The following GRM5 variants were observed in gnomAD, a reference collection of about 807,000 sequenced individuals.
GRM5 encodes the protein glutamate metabotropic receptor 5.
GRM5 carries 19 observed loss-of-function variants against 83.1 expected under a neutral mutation model. That is an observed-to-expected ratio of 0.23 (90% CI 0.16 to 0.34). The LOEUF (loss-of-function observed/expected upper bound fraction) is 0.34. Among genes scored for constraint, GRM5 ranks in the 10% least tolerant of loss-of-function variants. GRM5 has a pLI of 1.00. For synonymous variants in GRM5, 675 were observed against 633.6 expected, an observed-to-expected ratio of 1.07 and a Z score of -0.98; for missense variants, 1,160 against 1,588.3, an observed-to-expected ratio of 0.73 and a Z score of 4.58.
At chr11:89,036,286 C>T (rs561276516) in intron 2 of GRM5, among the ~76,000 whole-genome samples, 20 of 152,048 alleles carry the variant, frequency 1.3e-4, no homozygotes, top group African/African-American at 4.8e-4. Flanking sequence ...AGCACCCTAC[C>T]TTTTTCGTGC....
intron 2 of GRM5, among the ~76,000 whole-genome samples, chr11:88,862,821 A>G (rs1944588953): frequency 6.6e-6 from 1 of 152,150 alleles, no homozygotes. Context: ...CATCAGAGCA[A>G]ACAGACCATC....
chr11:88,567,481 G>A lies in GRM5; in HGVS notation c.2202C>T (p.Asn734=). 3 of 1,614,102 alleles carry A rather than the reference G, an allele frequency of 1.9e-6. No individual in the cohort carries two copies. The highest frequency in any genetic ancestry group is 2.5e-6 in the Non-Finnish European group (3 of 1,179,924). Residue 734 remains asparagine (N), a synonymous_variant, in exon 8 of 10, where the codon AAC becomes AAT. Transcript: ENST00000305447. This position sits in a 1 kb window ranked among gnomAD's most constrained non-coding sequence, Gnocchi z 7.3. ...GAGTGACAACTCCTAGGTTGGTGGT[G>A]TTACAGATCAGGTAGACTTCTCGAA... ...PSIREVYLIC[N]TTNLGVVTPL...
At chr11:88,991,993 A>T (rs993093730) in intron 2 of GRM5, among the ~76,000 whole-genome samples, 1 of 152,180 alleles carries the variant, frequency 6.6e-6, no homozygotes, top group African/African-American at 2.4e-5. Context: ...CAATGGCAAC[A>T]AAAGACAAAA....
chr11:88,674,711 G>A (rs1256072206), intron 3 of GRM5, among the ~76,000 whole-genome samples: 2 of 151,864 alleles, frequency 1.3e-5, no homozygotes, highest in Non-Finnish European at 2.9e-5. Flanking sequence ...GTCTTGGGAA[G>A]CTATTTTTTT....
chr11:88,950,425 A>G (rs1938422175), intron 2 of GRM5, among the ~76,000 whole-genome samples: 1 of 151,916 alleles, frequency 6.6e-6, no homozygotes, highest in Non-Finnish European at 1.5e-5. Context: ...GAGCAAGACA[A>G]TACCAATGGT....
At chr11:88,923,092 T>C (rs1945722265) in intron 2 of GRM5, among the ~76,000 whole-genome samples, 1 of 151,990 alleles carries the variant, frequency 6.6e-6, no homozygotes, top group South Asian at 2.1e-4. Flanking sequence ...CTGGCAAGTA[T>C]ATAAAAGACT....
At chr11:88,792,841 A>T in intron 3 of GRM5, among the ~76,000 whole-genome samples, 1 of 152,128 alleles carries the variant, frequency 6.6e-6, no homozygotes, top group East Asian at 1.9e-4. Context: ...TACGCTTAGA[A>T]TATGTGCAAG....
At chr11:88,952,494 ATTGG>A (rs1212527393) in intron 2 of GRM5, among the ~76,000 whole-genome samples, 14 of 152,238 alleles carry the variant, frequency 9.2e-5, no homozygotes, top group African/African-American at 3.4e-4. Context: ...TTCAATGAGT[ATTGG>A]TTGAATGTTC....
At chr11:88,518,329 G>T (rs956713342) in intron 9 of GRM5, among the ~76,000 whole-genome samples, 2 of 151,766 alleles carry the variant, frequency 1.3e-5, no homozygotes, top group Admixed American at 6.6e-5. Flanking sequence ...TTTGGTTTTT[G>T]CTGGTCTTAT....
chr11:88,851,411 T>C (rs1218241047), intron 2 of GRM5, among the ~76,000 whole-genome samples: 1 of 152,168 alleles, frequency 6.6e-6, no homozygotes, highest in Admixed American at 6.5e-5. Flanking sequence ...ATCAAATTAA[T>C]AAGGAGCACT....
intron 2 of GRM5, among the ~76,000 whole-genome samples, chr11:89,027,918 G>A (rs1941165931): frequency 6.6e-6 from 1 of 152,080 alleles, no homozygotes; most frequent in Non-Finnish European, 1.5e-5. Flanking sequence ...GGCCATCAGG[G>A]CTCTCCCATC....
chr11:88,690,629 G>A (rs2135359164), intron 3 of GRM5, among the ~76,000 whole-genome samples: 1 of 152,274 alleles, frequency 6.6e-6, no homozygotes, highest in East Asian at 1.9e-4. Context: ...TGGATTTGAT[G>A]TCACACTAGG....
chr11:88,972,344 G>C (rs950819674), intron 2 of GRM5, among the ~76,000 whole-genome samples: 2 of 152,088 alleles, frequency 1.3e-5, no homozygotes, highest in African/African-American at 4.8e-5. Flanking sequence ...CTATAAGAGA[G>C]AGCACTCCTG....
chr11:88,646,907 C>CAA (rs745436840), intron 4 of GRM5, among the ~76,000 whole-genome samples: 13 of 147,284 alleles, frequency 8.8e-5, no homozygotes, highest in African/African-American at 1.5e-4. Flanking sequence ...AAAAAAAAAA[C>CAA]ACCACAAATT....
chr11:88,863,013 G>T (rs1160239639), intron 2 of GRM5, among the ~76,000 whole-genome samples: 3 of 152,174 alleles, frequency 2.0e-5, no homozygotes, highest in African/African-American at 4.8e-5. Flanking sequence ...ATGAAAAAAA[G>T]CTCAACATCA....
chr11:88,965,067 T>C (rs1453007216), intron 2 of GRM5, among the ~76,000 whole-genome samples: 1 of 152,186 alleles, frequency 6.6e-6, no homozygotes, highest in Non-Finnish European at 1.5e-5. Context: ...TCTATAGGTG[T>C]TATAAACACA....
At chr11:89,038,428 T>C (rs1035429894) in intron 2 of GRM5, among the ~76,000 whole-genome samples, 11 of 152,160 alleles carry the variant, frequency 7.2e-5, no homozygotes, top group African/African-American at 2.7e-4. Context: ...CTCCAGCTCT[T>C]AAAAAATTCT....
intron 3 of GRM5, among the ~76,000 whole-genome samples, chr11:88,747,249 T>A (rs554357277): frequency 6.6e-6 from 1 of 152,336 alleles, no homozygotes; most frequent in South Asian, 2.1e-4. Context: ...TTTATTCAGA[T>A]GCATGTGGTT....
chr11:88,961,311 T>G (rs1384718337), intron 2 of GRM5, among the ~76,000 whole-genome samples: 1 of 152,096 alleles, frequency 6.6e-6, no homozygotes, highest in Non-Finnish European at 1.5e-5. Flanking sequence ...CAGTGATTTG[T>G]GTTTTGTCAA....
Sources: allele counts gnomAD v4.1 joint callset (sites outside exome capture counted in the v4.1 genomes callset), GRCh38; gene constraint gnomAD v4.1.1; non-coding constraint Gnocchi (gnomAD v3.1); transcripts MANE v1.5; gene names NCBI Gene and HGNC (gene_info 2026-07-23, HGNC 2026-07-21).